CHFR: variants seen among roughly 807,000 people sequenced by gnomAD.
CHFR encodes the protein E3 ubiquitin-protein ligase CHFR.
A neutral mutation model predicts 87.6 loss-of-function variants in CHFR; 57 were observed. The ratio of observed to expected loss-of-function variants is 0.65; its 90% confidence interval spans 0.53 to 0.81. The LOEUF is 0.81. CHFR is among the 30% of genes least tolerant of loss of function. CHFR has a pLI of 0.00. For synonymous variants in CHFR, 381 were observed against 359.2 expected, an observed-to-expected ratio of 1.06 and a Z score of -0.69; for missense variants, 797 against 865.8, an observed-to-expected ratio of 0.92 and a Z score of 1.00.
At position 132,857,567 on chromosome 12, in the gene CHFR, T is replaced by C. The variant is rs371908101; in HGVS notation, c.912-8A>G. ...TGCATGCAGGGCTGCAAACTGAAAG[T>C]GCAAGAGGAACAGTGTCCAGACAGT... On this transcript the variant is annotated splice_region_variant and splice_polypyrimidine_tract_variant and intron_variant, in intron 8 of 17. Coordinates refer to ENST00000450056, the MANE Select transcript of CHFR (RefSeq NM_001161346.2). The C allele has an allele frequency of 5.5e-5, 88 of 1,613,150 alleles. 1 individual carries two copies. The highest frequency in any genetic ancestry group is 7.3e-5 in the Non-Finnish European group (86 of 1,179,656).
At chr12:132,860,757 TTTTC>T (rs764979750) in intron 7 of CHFR, among the ~76,000 whole-genome samples, 49 of 152,336 alleles carry the variant, frequency 3.2e-4, no homozygotes, top group Middle Eastern at 6.8e-3. Context: ...TTCTTTTTGA[TTTTC>T]TTTTTTTTGA....
At chr12:132,850,771 C>T (rs1383266815) in intron 12 of CHFR, among the ~76,000 whole-genome samples, 1 of 152,068 alleles carries the variant, frequency 6.6e-6, no homozygotes, top group Non-Finnish European at 1.5e-5. Flanking sequence ...GTGTGTGCGG[C>T]AGGAGCCAAC....
At chr12:132,872,228 C>T (rs539351007) in intron 4 of CHFR, 57 bp downstream of exon 4, 30 of 1,047,286 alleles carry the variant, frequency 2.9e-5, no homozygotes, top group South Asian at 6.4e-5. Flanking sequence ...GTTCAGAGAG[C>T]GCCCTCACGT....
At chr12:132,868,052 T>G (rs1331320429) in intron 6 of CHFR, 1 of 152,106 alleles carries the variant, frequency 6.6e-6, no homozygotes, top group African/African-American at 2.4e-5. Flanking sequence ...ACAGAAAACA[T>G]TCCCGTCACG....
At chr12:132,878,686 G>C (rs543975799) in intron 2 of CHFR, among the ~76,000 whole-genome samples, 99 of 151,622 alleles carry the variant, frequency 6.5e-4, no homozygotes, top group African/African-American at 2.2e-3. Flanking sequence ...GGGCGTGGTG[G>C]CGGGCGCCTT....
At chr12:132,871,027 C>CA (rs1274662077) in intron 4 of CHFR, among the ~76,000 whole-genome samples, 1 of 152,222 alleles carries the variant, frequency 6.6e-6, no homozygotes, top group Admixed American at 6.5e-5. Context: ...ATCTATGCCT[C>CA]ACTTATAATT....
At chr12:132,859,973 A>G (rs1311415101) in intron 7 of CHFR, among the ~76,000 whole-genome samples, 1 of 152,130 alleles carries the variant, frequency 6.6e-6, no homozygotes, top group Non-Finnish European at 1.5e-5. Context: ...TGAGCCCAGG[A>G]GGTGGAGGCT....
chr12:132,886,303 C>CT, intron 2 of CHFR, among the ~76,000 whole-genome samples: 1 of 150,466 alleles, frequency 6.6e-6, no homozygotes, highest in Non-Finnish European at 1.5e-5. Flanking sequence ...GAGCAAGACT[C>CT]TTATCTCAAA....
At chr12:132,876,503 A>G (rs1951634048) in intron 3 of CHFR, among the ~76,000 whole-genome samples, 1 of 152,240 alleles carries the variant, frequency 6.6e-6, no homozygotes, top group African/African-American at 2.4e-5. Context: ...TCTAGTTTCA[A>G]TCATTTCAGA....
intron 3 of CHFR, among the ~76,000 whole-genome samples, chr12:132,875,515 C>T (rs191056260): frequency 1.6e-4 from 24 of 152,056 alleles, no homozygotes; most frequent in African/African-American, 4.3e-4. Context: ...CCCAGCTACT[C>T]GGGAGGCTGA....
At position 132,861,515 on chromosome 12, in the gene CHFR, G is replaced by T; in HGVS notation, c.703C>A (p.Pro235Thr). 1.2e-6 allele frequency: 2 copies of T among 1,614,240 alleles called. No homozygotes were observed. Among genetic ancestry groups the T allele is most frequent in the Non-Finnish European group, 8.5e-7 (1 of 1,180,046 alleles). Reference sequence around the variant, plus strand: ...GGCTCCAAATCCTCCTGATCCTGGGGTTCCAACGACGAAAAGGACGCAGTC... The same window carrying T: ...GGCTCCAAATCCTCCTGATCCTGGGTTTCCAACGACGAAAAGGACGCAGTC... ...RKTASFSSLEPQDQEDLEPVK... is the reference protein window; with the variant it reads ...RKTASFSSLETQDQEDLEPVK... Residue 235 changes from proline to threonine, a missense_variant, in exon 7 of 18, where the codon CCC becomes ACC. Physicochemically the swap from Pro to Thr is conservative, Grantham distance 38. Transcript: ENST00000450056.
rs751789347 is a variant in CHFR at position 132,869,665 on chromosome 12, A to G, written c.537T>C (p.Ser179=). Reference sequence around the variant, plus strand: ...GCCCTGCAGGAGAAGGCTCCGTGGAAGAGGCCGAGGCTGTGGGGAAGAGGT... The same window carrying G: ...GCCCTGCAGGAGAAGGCTCCGTGGAGGAGGCCGAGGCTGTGGGGAAGAGGT... ...TSDLFPTASA[S]STEPSPAGRE... Residue 179 remains serine (S), a synonymous_variant, in exon 6 of 18, where the codon TCT becomes TCC. Transcript: ENST00000450056. The G allele has an allele frequency of 8.7e-5, 135 of 1,551,654 alleles. No individual in the cohort carries two copies. Among genetic ancestry groups the G allele is most frequent in the Admixed American group, 2.9e-4 (15 of 50,992 alleles).
In CHFR at chr12:132,839,294, T is replaced by TC; in HGVS notation, c.*2259_*2260insG. 1 of 177,566 alleles carries TC rather than the reference T, an allele frequency of 5.6e-6. No homozygotes were observed. Among genetic ancestry groups the TC allele is most frequent in the Non-Finnish European group, 1.2e-5 (1 of 82,992 alleles). 11.0% of individuals were successfully genotyped at this position (177,566 alleles called of 1,614,324 possible). On this transcript the variant is annotated 3_prime_UTR_variant, in exon 18 of 18. Coordinates refer to ENST00000450056, the MANE Select transcript of CHFR (RefSeq NM_001161346.2). ...CTCTCAGCCTCGCACCTGCACAAACTGGCAACCTCCCCTCTCAGCCTCGCC... is the reference window on the plus strand; with the variant it reads ...CTCTCAGCCTCGCACCTGCACAAACTCGGCAACCTCCCCTCTCAGCCTCGCC...
intron 10 of CHFR, among the ~76,000 whole-genome samples, chr12:132,856,199 T>G (rs1951066773): frequency 6.6e-6 from 1 of 152,144 alleles, no homozygotes; most frequent in African/African-American, 2.4e-5. Flanking sequence ...AGGGTGCAAA[T>G]GTCTACAGCA....
chr12:132,847,944 G>A (rs891369575), intron 14 of CHFR, 141 bp downstream of exon 14: 2 of 1,511,950 alleles, frequency 1.3e-6, no homozygotes, highest in South Asian at 2.5e-5. Flanking sequence ...GGCTGCACCA[G>A]TGAGGAAACA....
At chr12:132,865,683 G>A (rs1406124581) in intron 6 of CHFR, among the ~76,000 whole-genome samples, 1 of 109,448 alleles carries the variant, frequency 9.1e-6, no homozygotes, top group African/African-American at 3.5e-5. Context: ...TTTTTGAGAT[G>A]GGCTCTGGCT....
chr12:132,854,982 C>T (rs10870525), intron 10 of CHFR: 31,327 of 151,930 alleles, frequency 0.21, 3,455 homozygotes, highest in African/African-American at 0.27. Flanking sequence ...TGGCTCACAC[C>T]TATAATCCCA....
At chr12:132,878,540 AC>A (rs1311502446) in intron 2 of CHFR, among the ~76,000 whole-genome samples, 1 of 151,696 alleles carries the variant, frequency 6.6e-6, no homozygotes, top group African/African-American at 2.4e-5. Flanking sequence ...TATTATTAGA[AC>A]TTTAAAAAAA....
chr12:132,847,651 G>A, intron 14 of CHFR: 1 of 1,087,304 alleles, frequency 9.2e-7, no homozygotes, highest in Non-Finnish European at 1.1e-6. Flanking sequence ...GAGGGCGAAT[G>A]CGCATGTTAA....
Sources: allele counts gnomAD v4.1 joint callset (sites outside exome capture counted in the v4.1 genomes callset), GRCh38; gene constraint gnomAD v4.1.1; transcripts MANE v1.5; gene names NCBI Gene and HGNC (gene_info 2026-07-23, HGNC 2026-07-21).